Variants in PRELID2 observed in about 807,000 individuals in gnomAD.
PRELID2 encodes the protein PRELI domain-containing protein 2.
In PRELID2, 25 loss-of-function variants were observed where a neutral mutation model predicts 28.4. The ratio of observed to expected loss-of-function variants is 0.88; its 90% CI spans 0.64 to 1.23. PRELID2 has a LOEUF of 1.23. Among genes scored for constraint, PRELID2 ranks in the 50% most tolerant of loss-of-function variants. The pLI, the probability that PRELID2 is intolerant of heterozygous loss-of-function variation, is 0.00. For synonymous variants in PRELID2, 76 were observed against 71.6 expected, an observed-to-expected ratio of 1.06 and a Z score of -0.31; for missense variants, 201 against 214.4, an observed-to-expected ratio of 0.94 and a Z score of 0.39.
chr5:145,799,267 C>T (rs1752973403), intron 4 of PRELID2, among the ~76,000 whole-genome samples: 1 of 149,534 alleles, frequency 6.7e-6, no homozygotes, highest in African/African-American at 2.5e-5. Context: ...ATACTACATC[C>T]AGCAAAACTA....
the PRELID2 span, among the ~76,000 whole-genome samples, chr5:145,281,402 T>C: frequency 5.9e-5 from 9 of 152,184 alleles, no homozygotes; most frequent in African/African-American, 1.7e-4. Flanking sequence ...CAGATGTAGA[T>C]AGCCCCTACC....
At chr5:145,467,636 C>G (rs971607758), downstream of PRELID2, among the ~76,000 whole-genome samples, 1 of 152,008 alleles carries the variant, frequency 6.6e-6, no homozygotes, top group East Asian at 1.9e-4. Context: ...AGTTACCCTG[C>G]TGGTAGATAA....
the PRELID2 span, among the ~76,000 whole-genome samples, chr5:145,346,430 ACAT>A: frequency 1.3e-5 from 2 of 152,162 alleles, no homozygotes; most frequent in African/African-American, 2.4e-5. Context: ...TGCATTAGTA[ACAT>A]CATTTAAGGA....
At chr5:145,278,211 C>T in the PRELID2 span, among the ~76,000 whole-genome samples, 3 of 152,146 alleles carry the variant, frequency 2.0e-5, no homozygotes, top group African/African-American at 7.2e-5. Context: ...CTCAGCCTCC[C>T]AATACACAAA....
At chr5:145,717,048 G>A (rs1031562652) in intron 1 of PRELID2, among the ~76,000 whole-genome samples, 5 of 152,028 alleles carry the variant, frequency 3.3e-5, no homozygotes, top group Admixed American at 1.3e-4. Flanking sequence ...AAATAAGTAC[G>A]TGAAACTATA....
chr5:145,319,717 A>AAATC, the PRELID2 span, among the ~76,000 whole-genome samples: 7 of 148,658 alleles, frequency 4.7e-5, no homozygotes, highest in Non-Finnish European at 1.0e-4. Flanking sequence ...ATAAATAAAT[A>AAATC]AATAAATAAA....
intron 1 of PRELID2, among the ~76,000 whole-genome samples, chr5:145,734,948 C>T (rs570239935): frequency 7.7e-4 from 117 of 152,180 alleles, no homozygotes; most frequent in Middle Eastern, 3.4e-3. Context: ...TGTTTCATTT[C>T]ACAGATAAAA....
chr5:145,600,493 C>G (rs1753380999), intron 1 of PRELID2, among the ~76,000 whole-genome samples: 1 of 148,298 alleles, frequency 6.7e-6, no homozygotes, highest in African/African-American at 2.5e-5. Flanking sequence ...ATGCCTTGAC[C>G]CAGTAGCAAG....
chr5:145,432,350 A>C, the PRELID2 span, among the ~76,000 whole-genome samples: 1 of 151,790 alleles, frequency 6.6e-6, no homozygotes, highest in Non-Finnish European at 1.5e-5. Flanking sequence ...AATTTTAAGG[A>C]ACTTCCCAAT....
intron 1 of PRELID2, among the ~76,000 whole-genome samples, chr5:145,695,429 G>C (rs546070035): frequency 4.3e-4 from 66 of 152,352 alleles, no homozygotes; most frequent in African/African-American, 1.5e-3. Flanking sequence ...ATAAGGTAGA[G>C]AGAAGCCAGC....
intron 1 of PRELID2, among the ~76,000 whole-genome samples, chr5:145,720,438 A>T (rs1383764357): frequency 6.6e-6 from 1 of 152,028 alleles, no homozygotes; most frequent in Non-Finnish European, 1.5e-5. Flanking sequence ...TCAAGGCAAG[A>T]AGCAAGCAGT....
At chr5:145,657,433 C>T (rs923560160) in intron 1 of PRELID2, among the ~76,000 whole-genome samples, 1 of 152,186 alleles carries the variant, frequency 6.6e-6, no homozygotes, top group African/African-American at 2.4e-5. Flanking sequence ...TGCCTGTAAT[C>T]CCAGCACTTT....
At chr5:145,478,120 G>A (rs137949200) in intron 1 of PRELID2, among the ~76,000 whole-genome samples, 1 of 152,222 alleles carries the variant, frequency 6.6e-6, no homozygotes, top group Non-Finnish European at 1.5e-5. Context: ...CACCACTCGA[G>A]CCCTTGTTCT....
At chr5:145,480,719 C>T (rs1388416804) in intron 1 of PRELID2, among the ~76,000 whole-genome samples, 1 of 152,074 alleles carries the variant, frequency 6.6e-6, no homozygotes, top group Non-Finnish European at 1.5e-5. Flanking sequence ...TTTTCCTCTA[C>T]TCAAAGCCTC....
intron 1 of PRELID2, among the ~76,000 whole-genome samples, chr5:145,648,840 A>G (rs1290320099): frequency 5.3e-5 from 8 of 150,492 alleles, no homozygotes; most frequent in African/African-American, 1.7e-4. Flanking sequence ...CATAATATAC[A>G]TATACATTTT....
chr5:145,584,828 CT>C (rs1753139105), intron 1 of PRELID2, among the ~76,000 whole-genome samples: 1 of 152,132 alleles, frequency 6.6e-6, no homozygotes, highest in African/African-American at 2.4e-5. Context: ...CACTTTTACA[CT>C]GTTGGTGGAA....
intron 1 of PRELID2, among the ~76,000 whole-genome samples, chr5:145,476,474 A>G (rs398828): frequency 0.88 from 133,167 of 152,074 alleles, 58,556 homozygotes; most frequent in African/African-American, 0.95. Context: ...GTGAAACTCT[A>G]TCTCTACTAA....
At chr5:145,318,058 C>T in the PRELID2 span, among the ~76,000 whole-genome samples, 1 of 152,182 alleles carries the variant, frequency 6.6e-6, no homozygotes, top group Non-Finnish European at 1.5e-5. Flanking sequence ...GATTAAGGGA[C>T]TGTGGCACTG....
intron 1 of PRELID2, among the ~76,000 whole-genome samples, chr5:145,574,498 C>T (rs1192646831): frequency 6.6e-6 from 1 of 152,212 alleles, no homozygotes; most frequent in Non-Finnish European, 1.5e-5. Context: ...GAGGTGATGG[C>T]ACTGGTGCTA....
Sources: allele counts gnomAD v4.1 joint callset (sites outside exome capture counted in the v4.1 genomes callset), GRCh38; gene constraint gnomAD v4.1.1; transcripts MANE v1.5; gene names NCBI Gene and HGNC (gene_info 2026-07-23, HGNC 2026-07-21).